Variants in ARMH3 observed in about 807,000 individuals in gnomAD.
ARMH3 encodes armadillo like helical domain containing 3.
Under a neutral mutation model 99.1 loss-of-function variants are expected in ARMH3, and 60 were observed. The ratio of observed to expected loss-of-function variants is 0.61; its 90% CI spans 0.49 to 0.75. The LOEUF is 0.75. Ranked by LOEUF, ARMH3 falls within the 30% of genes least tolerant of loss-of-function variation. ARMH3 has a pLI of 0.00. For missense variants in ARMH3, 679 were observed against 843.1 expected (o/e 0.81, Z 2.41); for synonymous variants, 285 against 292.8 (o/e 0.97, Z 0.27).
rs540211774 is a variant in ARMH3, at chr10:101,863,919, G to T, written c.1861-14027C>A. 5.9e-4 allele frequency among the ~76,000 whole-genome samples: 90 copies of T among 151,754 alleles called. 1 individual carries two copies. Among genetic ancestry groups the T allele is most frequent in the Admixed American group, 7.2e-4 (11 of 15,230 alleles). The stretch of plus-strand genomic sequence containing the variant: ...CTACTAAAAATACAAAAATTAGCTG[G>T]GTGTGGTGACACTTGCCTGTAGTCC... On this transcript the variant is annotated intron_variant, in intron 24 of 25. Transcript: ENST00000370033.
intron 11 of ARMH3, among the ~76,000 whole-genome samples, chr10:102,011,134 C>A (rs939533929): frequency 6.6e-6 from 1 of 151,406 alleles, no homozygotes; most frequent in East Asian, 1.9e-4. Flanking sequence ...TGCCAAGAAA[C>A]CTTGCCCTGG....
intron 2 of ARMH3, 31 bp from the exon 3 acceptor site, chr10:102,033,370 T>G: frequency 6.2e-7 from 1 of 1,603,562 alleles, no homozygotes; most frequent in Non-Finnish European, 8.5e-7. Flanking sequence ...CATTCAGCCT[T>G]CCCAGCTAAC....
chr10:101,947,900 G>A (rs1844618477), intron 22 of ARMH3, among the ~76,000 whole-genome samples: 3 of 151,926 alleles, frequency 2.0e-5, no homozygotes, highest in Admixed American at 2.0e-4. Context: ...ACTTTAGACT[G>A]CAAAAGGTAC....
chr10:101,887,923 T>C (rs1264811705), intron 24 of ARMH3, among the ~76,000 whole-genome samples: 2 of 152,038 alleles, frequency 1.3e-5, no homozygotes, highest in African/African-American at 4.8e-5. Context: ...AATCATCCTT[T>C]CACAGATTGC....
intron 20 of ARMH3, among the ~76,000 whole-genome samples, 179 bp downstream of exon 20, chr10:101,975,033 G>C (rs1443647038): frequency 4.5e-5 from 1 of 22,432 alleles, no homozygotes; most frequent in African/African-American, 1.4e-4. Context: ...GTCTGGATTC[G>C]AAAAAAGCTA....
intron 23 of ARMH3, among the ~76,000 whole-genome samples, chr10:101,900,819 C>A (rs1373335509): frequency 6.6e-6 from 1 of 152,012 alleles, no homozygotes; most frequent in Non-Finnish European, 1.5e-5. Flanking sequence ...CCCATATCTA[C>A]AAAAAATTTT....
At chr10:101,868,986 C>T (rs1247580789) in intron 24 of ARMH3, among the ~76,000 whole-genome samples, 1 of 150,856 alleles carries the variant, frequency 6.6e-6, no homozygotes, top group Non-Finnish European at 1.5e-5. Flanking sequence ...GCACAAGAAT[C>T]GTTTGAACCC....
intron 13 of ARMH3, among the ~76,000 whole-genome samples, chr10:102,007,166 A>AAAAAAAG (rs1367492694): frequency 1.3e-4 from 19 of 149,050 alleles, no homozygotes; most frequent in Non-Finnish European, 2.7e-4. Context: ...TCTCAAAAAA[A>AAAAAAAG]AAAAAAAAAA....
At chr10:101,946,484 C>G (rs1844539188) in intron 22 of ARMH3, among the ~76,000 whole-genome samples, 1 of 152,046 alleles carries the variant, frequency 6.6e-6, no homozygotes. Context: ...TGCACTCCAG[C>G]CAGGGTGACA....
At position 102,023,739 on chromosome 10, in the gene ARMH3, T is replaced by G; in HGVS notation, c.518A>C (p.Asn173Thr). 1 of 1,614,094 alleles carries G rather than the reference T, an allele frequency of 6.2e-7. No homozygotes were observed. Among genetic ancestry groups the G allele is most frequent in the African/African-American group, 1.3e-5 (1 of 75,058 alleles). The change falls in exon 7 of 26, where the codon AAC becomes ACC. Residue 173 changes from asparagine to threonine, a missense_variant. Coordinates refer to ENST00000370033, the MANE Select transcript of ARMH3 (RefSeq NM_024541.3). The part of the protein sequence containing the change: ...LLLCLVTVTD[N>T]ISQNTILEYV... ...CTCGAGAATAGTGTTCTGGCTGATGTTATCTGTCACCTGAATGTAATAAAA... is the reference window on the plus strand; with the variant it reads ...CTCGAGAATAGTGTTCTGGCTGATGGTATCTGTCACCTGAATGTAATAAAA...
At position 102,029,304 on chromosome 10, in the gene ARMH3, A is replaced by G. The variant is rs971388293; in HGVS notation, c.414+334T>C. On this transcript the variant is annotated intron_variant, in intron 5 of 25. Transcript: ENST00000370033. ...AAGTAATTGTGTTAAATAAGCTTAAAGTTTAGAATTAAAGTTACCCTTGTA... is the reference window on the plus strand; with the variant it reads ...AAGTAATTGTGTTAAATAAGCTTAAGGTTTAGAATTAAAGTTACCCTTGTA... The G allele has an allele frequency of 1.8e-5, 15 of 811,412 alleles. 1 individual carries two copies. The Middle Eastern group carries it at 1.1e-3, about 61-fold the overall frequency. The allele number at this position is 811,412 out of a possible 1,614,324, so 50.3% of individuals were successfully genotyped here. A position where few individuals can be genotyped will look rare whatever the true frequency, so the allele number is the denominator to read the frequency against.
intron 19 of ARMH3, among the ~76,000 whole-genome samples, chr10:101,986,865 T>C (rs1478166239): frequency 6.6e-6 from 1 of 152,160 alleles, no homozygotes; most frequent in Non-Finnish European, 1.5e-5. Flanking sequence ...GGTGGGACCT[T>C]CTGCCCAGCC....
chr10:101,967,441 T>C (rs1439930996), intron 20 of ARMH3, among the ~76,000 whole-genome samples: 1 of 152,116 alleles, frequency 6.6e-6, no homozygotes, highest in Non-Finnish European at 1.5e-5. Flanking sequence ...GCCAGTAGAA[T>C]AATTTAAAAA....
chr10:102,055,158 T>A (rs2067809799), intron 1 of ARMH3, among the ~76,000 whole-genome samples: 1 of 151,448 alleles, frequency 6.6e-6, no homozygotes, highest in East Asian at 1.9e-4. Context: ...CCCGTCTCTA[T>A]CAAAAATATA....
At chr10:102,034,552 C>T (rs1347734845) in intron 2 of ARMH3, among the ~76,000 whole-genome samples, 1 of 151,326 alleles carries the variant, frequency 6.6e-6, no homozygotes, top group African/African-American at 2.4e-5. Context: ...AGGAGAATGG[C>T]GTGAACCTGG....
chr10:102,025,055 A>C (rs1340819148), intron 6 of ARMH3, 101 bp downstream of exon 6: 8 of 989,514 alleles, frequency 8.1e-6, no homozygotes, highest in Non-Finnish European at 1.1e-5. Context: ...ACCCTCATTG[A>C]GAATATTTCT....
chr10:101,860,271 T>G (rs61873586), intron 24 of ARMH3, among the ~76,000 whole-genome samples: 1 of 152,100 alleles, frequency 6.6e-6, no homozygotes, highest in African/African-American at 2.4e-5. Flanking sequence ...TATATAGATA[T>G]AGATGAATAG....
In ARMH3 at chr10:102,029,755, TGA is replaced by T. The variant is rs760494929; in HGVS notation, c.307-12_307-11del. On this transcript the variant is annotated splice_polypyrimidine_tract_variant and intron_variant, in intron 4 of 25. Transcript: ENST00000370033. The stretch of plus-strand genomic sequence containing the variant: ...TGAGTGCGCACAGGGTCTGCAGAAA[TGA>T]GAGAAAGAATTCTTTCTGGAGAGGA... 1.2e-6 allele frequency: 2 copies of T among 1,606,796 alleles called. No individual in the cohort carries two copies. Among genetic ancestry groups the T allele is most frequent in the Non-Finnish European group, 1.7e-6 (2 of 1,174,242 alleles).
At chr10:101,977,854 G>C (rs1032797216) in intron 19 of ARMH3, among the ~76,000 whole-genome samples, 7 of 152,194 alleles carry the variant, frequency 4.6e-5, no homozygotes, top group African/African-American at 1.7e-4. Context: ...TCAGCAAGAA[G>C]ATCCTCACCC....
Sources: allele counts gnomAD v4.1 joint callset (sites outside exome capture counted in the v4.1 genomes callset), GRCh38; gene constraint gnomAD v4.1.1; transcripts MANE v1.5; gene names NCBI Gene and HGNC (gene_info 2026-07-23, HGNC 2026-07-21).